U2SURP: variants seen among roughly 807,000 people sequenced by gnomAD.
U2SURP encodes U2 snRNP-associated SURP motif-containing protein.
U2SURP carries 9 observed loss-of-function variants against 144.9 expected under a neutral mutation model. The observed-to-expected ratio is 0.06, with a 90% confidence interval of 0.04 to 0.11. The LOEUF (loss-of-function observed/expected upper bound fraction) is 0.11, where lower values mean the gene tolerates loss of function less well. Among genes scored for constraint, U2SURP ranks in the 10% least tolerant of loss-of-function variants. U2SURP has a pLI of 1.00. For synonymous variants in U2SURP, 408 were observed against 396.8 expected (o/e 1.03, Z -0.33); for missense variants, 724 against 1,226.7 (o/e 0.59, Z 6.12).
intron 6 of U2SURP, among the ~76,000 whole-genome samples, chr3:143,017,555 A>T (rs1429128763): frequency 1.3e-5 from 2 of 152,176 alleles, no homozygotes; most frequent in Non-Finnish European, 2.9e-5. Context: ...GTGGCTTAAA[A>T]AATATCTCTA....
chr3:143,030,048 A>C (rs534166847), intron 16 of U2SURP, among the ~76,000 whole-genome samples: 1 of 152,254 alleles, frequency 6.6e-6, no homozygotes, highest in Non-Finnish European at 1.5e-5. Flanking sequence ...AGCCATCTTC[A>C]TAATATAAAA....
chr3:143,014,894 T>C (rs1936289343), intron 4 of U2SURP, among the ~76,000 whole-genome samples: 1 of 152,110 alleles, frequency 6.6e-6, no homozygotes, highest in African/African-American at 2.4e-5. Flanking sequence ...CCATTAAAAG[T>C]AATGCTGTTA....
Position 143,023,078 on chromosome 3 carries a change from T to C in U2SURP, c.1230+14T>C. ...GATTTTGAGAAGGTAATTTAAAAAA[T>C]GGACATAAGGCCGCATCTAATTTGT... On this transcript the variant is annotated intron_variant, in intron 12 of 27. Coordinates refer to ENST00000473835, the MANE Select transcript of U2SURP (RefSeq NM_001080415.2). The C allele has an allele frequency of 6.3e-7, 1 of 1,575,536 alleles. No homozygotes were observed. The highest frequency in any genetic ancestry group is 1.2e-5 in the South Asian group (1 of 85,628).
chr3:143,009,471 G>T (rs1201033872), intron 1 of U2SURP, among the ~76,000 whole-genome samples: 1 of 152,044 alleles, frequency 6.6e-6, no homozygotes, highest in East Asian at 1.9e-4. Context: ...GGTGGTGCGT[G>T]CCTGTACTCC....
intron 23 of U2SURP, among the ~76,000 whole-genome samples, chr3:143,041,276 A>T (rs1243545624): frequency 6.6e-6 from 1 of 151,976 alleles, no homozygotes; most frequent in African/African-American, 2.4e-5. Flanking sequence ...AATTTTATGT[A>T]CCATAAAACA....
intron 24 of U2SURP, among the ~76,000 whole-genome samples, chr3:143,043,717 G>GTATATATA (rs5853088): frequency 1.0e-4 from 15 of 147,352 alleles, no homozygotes; most frequent in African/African-American, 3.8e-4. Flanking sequence ...TAGATTATAT[G>GTATATATA]TATATATATA....
Position 143,025,148 on chromosome 3 carries a change from T to C in U2SURP, c.1274+1130T>C, listed in dbSNP as rs541598986. Among the ~76,000 whole-genome samples, 6 of 152,300 alleles carry C rather than the reference T, an allele frequency of 3.9e-5. No homozygotes were observed. In the South Asian group the frequency reaches 1.2e-3, roughly 32 times the overall value. ...TCATGAAACATTTTAAAAATACTTATAAACTTTTAATTTTCTAAAAATAGA... is the reference window on the plus strand; with the variant it reads ...TCATGAAACATTTTAAAAATACTTACAAACTTTTAATTTTCTAAAAATAGA... On this transcript the variant is annotated intron_variant, in intron 13 of 27. Coordinates refer to ENST00000473835, the MANE Select transcript of U2SURP (RefSeq NM_001080415.2).
chr3:143,022,266 A>G (rs1171233988), intron 10 of U2SURP, among the ~76,000 whole-genome samples: 2 of 152,170 alleles, frequency 1.3e-5, no homozygotes, highest in South Asian at 4.1e-4. Context: ...TTCTTCATCC[A>G]CTGAACTTCC....
rs1207515773 is a variant in U2SURP, at chr3:143,060,176, A to G, written c.*3726A>G. ...TGTAGATTGTAGATTAAATGCACTC[A>G]TCATGTCACATGTAATTGTGCTTGG... On this transcript the variant is annotated 3_prime_UTR_variant, in exon 28 of 28. Transcript: ENST00000473835. 2 of 152,432 alleles carry G rather than the reference A, an allele frequency of 1.3e-5. No individual in the cohort carries two copies. The highest frequency in any genetic ancestry group is 2.9e-5 in the Non-Finnish European group (2 of 67,866). 9.4% of individuals were successfully genotyped at this position (152,432 alleles called of 1,614,324 possible). A position where few individuals can be genotyped will look rare whatever the true frequency, so the allele number is the denominator to read the frequency against.
intron 23 of U2SURP, among the ~76,000 whole-genome samples, chr3:143,039,585 G>A (rs909419074): frequency 6.9e-6 from 1 of 144,150 alleles, no homozygotes; most frequent in African/African-American, 2.6e-5. Context: ...TAAAATCATT[G>A]CAAAGGGAGT....
At position 143,033,267 on chromosome 3, in the gene U2SURP, A is replaced by T; in HGVS notation, c.1774-4A>T. 6.6e-7 allele frequency: 1 copy of T among 1,519,106 alleles called. No individual in the cohort carries two copies. Among genetic ancestry groups the T allele is most frequent in the Non-Finnish European group, 8.9e-7 (1 of 1,118,910 alleles). 94.1% of individuals were successfully genotyped at this position (1,519,106 alleles called of 1,614,324 possible). A position where few individuals can be genotyped will look rare whatever the true frequency, so the allele number is the denominator to read the frequency against. The stretch of plus-strand genomic sequence containing the variant: ...CTATTTTGTGTTATCTTTTGATATT[A>T]TAGATTGCCAGATTATATTTGGTTT... On this transcript the variant is annotated splice_polypyrimidine_tract_variant and splice_region_variant and intron_variant, in intron 17 of 27. Transcript: ENST00000473835.
chr3:143,025,098 A>G (rs1331216909), intron 13 of U2SURP, among the ~76,000 whole-genome samples: 1 of 152,120 alleles, frequency 6.6e-6, no homozygotes, highest in Non-Finnish European at 1.5e-5. Flanking sequence ...ATAACAATTA[A>G]TTGTCAGATT....
At chr3:143,020,374 C>T (rs557728530) in intron 7 of U2SURP, among the ~76,000 whole-genome samples, 8 of 152,264 alleles carry the variant, frequency 5.3e-5, no homozygotes, top group African/African-American at 1.9e-4. Context: ...TTAATTTCCT[C>T]CTCACCTTTA....
In U2SURP at chr3:143,032,690, A is replaced by G. The variant is rs943668719; in HGVS notation, c.1611-94A>G. ...ACAGTCTTCAGAATTATTTTATGTG[A>G]GTAGGTTTTAAAGAAATTAGTTTGT... On this transcript the variant is annotated intron_variant, in intron 16 of 27. Coordinates refer to ENST00000473835, the MANE Select transcript of U2SURP (RefSeq NM_001080415.2). 3.7e-6 allele frequency: 4 copies of G among 1,088,432 alleles called. No individual in the cohort carries two copies. In the African/African-American group the frequency reaches 4.8e-5, roughly 13 times the overall value. 67.4% of individuals were successfully genotyped at this position (1,088,432 alleles called of 1,614,324 possible).
At chr3:143,041,932 G>A (rs180804496) in intron 23 of U2SURP, among the ~76,000 whole-genome samples, 40 of 151,076 alleles carry the variant, frequency 2.6e-4, no homozygotes, top group Non-Finnish European at 4.9e-4. Context: ...TTTGTATATG[G>A]GTATCTTGTT....
At chr3:143,003,677 CTTTTT>C (rs60505715) in intron 1 of U2SURP, among the ~76,000 whole-genome samples, 55 of 101,518 alleles carry the variant, frequency 5.4e-4, no homozygotes, top group Middle Eastern at 7.5e-3. Flanking sequence ...TATTTTATTT[CTTTTT>C]TTTTTTTTTT....
intron 1 of U2SURP, among the ~76,000 whole-genome samples, chr3:143,005,549 G>T (rs922347240): frequency 6.6e-6 from 1 of 152,150 alleles, no homozygotes; most frequent in Non-Finnish European, 1.5e-5. Flanking sequence ...CTGGAAGGTA[G>T]AACTGAACTT....
intron 25 of U2SURP, among the ~76,000 whole-genome samples, chr3:143,051,602 C>CAAAAAAAAAAAA (rs3041537): frequency 3.3e-5 from 3 of 90,626 alleles, no homozygotes; most frequent in East Asian, 3.3e-4. Flanking sequence ...ACTGTCGTTG[C>CAAAAAAAAAAAA]AAAAAAAAAA....
chr3:143,033,403 G>T, intron 18 of U2SURP, 53 bp downstream of exon 18: 1 of 995,628 alleles, frequency 1.0e-6, no homozygotes, highest in Non-Finnish European at 1.5e-6. Context: ...TAAGGGTAAG[G>T]AGTTCAGAAA....
Sources: gnomAD v4.1 joint callset for allele counts (sites outside exome capture counted in the v4.1 genomes callset) on GRCh38, gnomAD v4.1.1 for gene constraint, MANE v1.5 for transcripts, NCBI Gene and HGNC (gene_info 2026-07-23, HGNC 2026-07-21) for gene names.